Variants in CLIP1 observed in about 807,000 individuals in gnomAD.
CLIP1 encodes CAP-Gly domain-containing linker protein 1.
Under a neutral mutation model 161.6 loss-of-function variants are expected in CLIP1, and 66 were observed. The observed-to-expected ratio is 0.41, with a 90% CI of 0.33 to 0.50. CLIP1 has a LOEUF of 0.50. Among genes scored for constraint, CLIP1 ranks in the 20% least tolerant of loss-of-function variants. CLIP1 has a pLI of 0.27. For missense variants in CLIP1, 1,376 were observed against 1,702.0 expected (o/e 0.81, Z 3.37); for synonymous variants, 598 against 626.2 (o/e 0.96, Z 0.67).
At chr12:122,345,387 T>C (rs1333417019) in intron 10 of CLIP1, among the ~76,000 whole-genome samples, 1 of 151,958 alleles carries the variant, frequency 6.6e-6, no homozygotes, top group East Asian at 1.9e-4. Flanking sequence ...TCTTGAATTC[T>C]TGGACTCAGG....
intron 3 of CLIP1, among the ~76,000 whole-genome samples, chr12:122,376,471 T>A (rs896730431): frequency 3.4e-5 from 5 of 148,164 alleles, no homozygotes; most frequent in Admixed American, 6.7e-5. Context: ...AGAAAAAAAA[T>A]TTTTTTTTTC....
intron 23 of CLIP1, 103 bp from the exon 24 acceptor site, chr12:122,278,306 AT>A: frequency 9.1e-7 from 1 of 1,098,890 alleles, no homozygotes; most frequent in South Asian, 1.4e-5. Flanking sequence ...TTCAAAACTC[AT>A]TTTCCTGTGG....
In CLIP1 at chr12:122,311,541, C is replaced by T. The variant is rs372002117; in HGVS notation, c.3474-1659G>A. 1.4e-3 allele frequency among the ~76,000 whole-genome samples: 218 copies of T among 152,198 alleles called. No individual in the cohort carries two copies. Among genetic ancestry groups the T allele is most frequent in the African/African-American group, 4.8e-3 (199 of 41,512 alleles). On this transcript the variant is annotated intron_variant, in intron 19 of 25. Transcript: ENST00000620786. This position sits in a 1 kb window ranked among gnomAD's most constrained non-coding sequence, Gnocchi z 4.3. ...CCAGGTTCACGCCATTCTCCTGCCT[C>T]AGCCTCCTGAGTAACTGGGACTACA...
intron 17 of CLIP1, chr12:122,322,595 AG>A (rs1402081388): frequency 1.3e-5 from 2 of 152,682 alleles, no homozygotes; most frequent in Non-Finnish European, 2.9e-5. Flanking sequence ...CTTCTCTTGA[AG>A]TAGCACAAAC....
intron 1 of CLIP1, among the ~76,000 whole-genome samples, chr12:122,408,549 C>T (rs1055979138): frequency 2.0e-5 from 3 of 151,858 alleles, no homozygotes; most frequent in Non-Finnish European, 4.4e-5. Flanking sequence ...AGGGTTTCAC[C>T]GTGTTAGCCA....
At chr12:122,320,143 G>A (rs1448826384) in intron 17 of CLIP1, among the ~76,000 whole-genome samples, 2 of 151,890 alleles carry the variant, frequency 1.3e-5, no homozygotes, top group South Asian at 2.1e-4. Flanking sequence ...CCGTGGTGGC[G>A]GGTGCCTGTA....
At chr12:122,356,904 T>G (rs1190311511) in intron 5 of CLIP1, among the ~76,000 whole-genome samples, 1 of 152,210 alleles carries the variant, frequency 6.6e-6, no homozygotes, top group African/African-American at 2.4e-5. Flanking sequence ...CCTCCCGAGG[T>G]GCCGAGATTG....
At chr12:122,277,007 C>G (rs936836829) in intron 24 of CLIP1, 10 of 157,526 alleles carry the variant, frequency 6.3e-5, no homozygotes, top group South Asian at 1.9e-4. Context: ...TCAGTCAGGC[C>G]TAAGTGCGGT....
chr12:122,377,628 T>C lies in CLIP1; in HGVS notation c.418A>G (p.Thr140Ala), dbSNP rs1456988916. 1 of 1,613,618 alleles carries C rather than the reference T, an allele frequency of 6.2e-7. No individual in the cohort carries two copies. Among genetic ancestry groups the C allele is most frequent in the African/African-American group, 1.3e-5 (1 of 74,766 alleles). ...GGTGAAGTAGCTCGGGAGGCGGGCGTTGTCTGCAGGCCATTAGCTTCATCT... is the reference window on the plus strand; with the variant it reads ...GGTGAAGTAGCTCGGGAGGCGGGCGCTGTCTGCAGGCCATTAGCTTCATCT... ...AEDEANGLQT[T>A]PASRATSPLC... Residue 140 changes from threonine (T) to alanine (A), a missense_variant, in exon 3 of 26, where the codon ACG becomes GCG. Physicochemically the swap from Thr to Ala is moderately conservative, Grantham distance 58 (BLOSUM62 0). Coordinates refer to ENST00000620786, the MANE Select transcript of CLIP1 (RefSeq NM_001247997.2).
chr12:122,299,281 T>C (rs930131896), intron 20 of CLIP1, among the ~76,000 whole-genome samples: 3 of 152,100 alleles, frequency 2.0e-5, no homozygotes, highest in African/African-American at 7.2e-5. Context: ...AATGGCTTTC[T>C]ACAAAACCCC....
chr12:122,365,640 T>G (rs1954108783), intron 3 of CLIP1: 3 of 814,446 alleles, frequency 3.7e-6, no homozygotes, highest in Non-Finnish European at 6.3e-6. Flanking sequence ...TAATAGATGT[T>G]AAAAAATAAA....
At chr12:122,349,157 A>T (rs557971480) in intron 9 of CLIP1, among the ~76,000 whole-genome samples, 1 of 152,334 alleles carries the variant, frequency 6.6e-6, no homozygotes, top group East Asian at 1.9e-4. Context: ...TCTAATCCTT[A>T]TCTACATAAT....
At chr12:122,276,593 G>A (rs191879055) in intron 24 of CLIP1, 5 of 778,212 alleles carry the variant, frequency 6.4e-6, no homozygotes, top group South Asian at 3.8e-5. Context: ...GTGTTGAATC[G>A]TTTTGTGCCC....
intron 13 of CLIP1, among the ~76,000 whole-genome samples, 157 bp from the exon 14 acceptor site, chr12:122,334,267 C>G (rs977475071): frequency 5.3e-5 from 8 of 152,216 alleles, no homozygotes; most frequent in African/African-American, 7.2e-5. Flanking sequence ...CTGTGTCCAG[C>G]CTGAAAGAAG....
chr12:122,313,625 G>A (rs930789226), intron 19 of CLIP1, among the ~76,000 whole-genome samples: 1 of 151,990 alleles, frequency 6.6e-6, no homozygotes, highest in Admixed American at 6.6e-5. Flanking sequence ...ACTGAGGCAG[G>A]AGAACCACTT....
In CLIP1 at chr12:122,279,263, G is replaced by A. The variant is rs549451361; in HGVS notation, c.3648-118C>T. ...TAATGTAAAAAAAAAAATATAACAG[G>A]GAAGTTTTATAGGGAGTTAAGGCCA... On this transcript the variant is annotated intron_variant, in intron 21 of 25. Coordinates refer to ENST00000620786, the MANE Select transcript of CLIP1 (RefSeq NM_001247997.2). This position sits in a 1 kb window ranked among gnomAD's most constrained non-coding sequence, Gnocchi z 4.5. 7.0e-5 allele frequency: 48 copies of A among 682,454 alleles called. 1 individual carries two copies. Among genetic ancestry groups the A allele is most frequent in the Admixed American group, 5.4e-4 (18 of 33,074 alleles). The allele number at this position is 682,454 out of a possible 1,614,324, so 42.3% of individuals were successfully genotyped here.
intron 1 of CLIP1, chr12:122,400,392 T>C (rs1471732796): frequency 6.6e-6 from 1 of 151,678 alleles, no homozygotes; most frequent in African/African-American, 2.4e-5. Flanking sequence ...AAACATCACA[T>C]CTCCTGGCTG....
Position 122,330,513 on chromosome 12 carries a change from G to T in CLIP1, c.2868-2087C>A, listed in dbSNP as rs191554206. ...TATATGACAGCTATTAAAAGAAAAAGATCAAAGCAACAAGAATTCCAGAAT... is the reference window on the plus strand; with the variant it reads ...TATATGACAGCTATTAAAAGAAAAATATCAAAGCAACAAGAATTCCAGAAT... On this transcript the variant is annotated intron_variant, in intron 15 of 25. Transcript: ENST00000620786. Among the ~76,000 whole-genome samples the T allele has an allele frequency of 8.7e-4, 131 of 149,818 alleles. 1 individual carries two copies. Among genetic ancestry groups the T allele is most frequent in the African/African-American group, 3.2e-3 (130 of 40,628 alleles).
chr12:122,392,444 A>G (rs2136986901), intron 1 of CLIP1, among the ~76,000 whole-genome samples: 1 of 152,274 alleles, frequency 6.6e-6, no homozygotes, highest in African/African-American at 2.4e-5. Context: ...ATAAGGAAAA[A>G]ATTGACTTGT....
Sources: gnomAD v4.1 joint callset for allele counts (sites outside exome capture counted in the v4.1 genomes callset) on GRCh38, gnomAD v4.1.1 for gene constraint, Gnocchi (gnomAD v3.1) non-coding constraint, MANE v1.5 for transcripts, NCBI Gene and HGNC (gene_info 2026-07-23, HGNC 2026-07-21) for gene names.